ANKMY2: variants seen among roughly 807,000 people sequenced by gnomAD.
ANKMY2 encodes the protein ankyrin repeat and MYND domain-containing protein 2.
Under a neutral mutation model 50.4 loss-of-function variants are expected in ANKMY2, and 36 were observed. The ratio of observed to expected loss-of-function variants is 0.71; its 90% CI spans 0.55 to 0.94. The LOEUF (loss-of-function observed/expected upper bound fraction) is 0.94, where lower values mean the gene tolerates loss of function less well. Among genes scored for constraint, ANKMY2 ranks in the 40% least tolerant of loss-of-function variants. The pLI is 0.00. For missense variants in ANKMY2, 565 were observed against 524.0 expected (o/e 1.08, Z -0.76); for synonymous variants, 187 against 178.8 (o/e 1.05, Z -0.36).
intron 5 of ANKMY2, among the ~76,000 whole-genome samples, chr7:16,614,548 A>G (rs1366959723): frequency 2.0e-5 from 3 of 152,288 alleles, no homozygotes; most frequent in Middle Eastern, 3.4e-3. Context: ...CTCAACCTTC[A>G]AGTACTCAAG....
intron 1 of ANKMY2, among the ~76,000 whole-genome samples, chr7:16,641,107 G>A (rs944447161): frequency 6.6e-6 from 1 of 152,072 alleles, no homozygotes. Flanking sequence ...GGTGGTGCAC[G>A]CCTGTAATCC....
chr7:16,615,276 T>C (rs1781324688), intron 5 of ANKMY2, among the ~76,000 whole-genome samples: 1 of 152,102 alleles, frequency 6.6e-6, no homozygotes, highest in Non-Finnish European at 1.5e-5. Flanking sequence ...CAGGCCTGTA[T>C]ACCAGGCCCC....
At chr7:16,640,597 C>T (rs1241652372) in intron 1 of ANKMY2, among the ~76,000 whole-genome samples, 1 of 152,182 alleles carries the variant, frequency 6.6e-6, no homozygotes, top group Non-Finnish European at 1.5e-5. Context: ...TCATGGCTCA[C>T]TGCAGCCTTG....
At chr7:16,630,474 C>G (rs906131291) in intron 2 of ANKMY2, among the ~76,000 whole-genome samples, 1 of 152,142 alleles carries the variant, frequency 6.6e-6, no homozygotes, top group Non-Finnish European at 1.5e-5. Context: ...GATACAATCC[C>G]CTTAAAAATA....
chr7:16,622,044 G>A (rs1185241043), intron 4 of ANKMY2, among the ~76,000 whole-genome samples: 1 of 151,388 alleles, frequency 6.6e-6, no homozygotes, highest in Non-Finnish European at 1.5e-5. Flanking sequence ...AGAAGAAGAA[G>A]AAAGAAGGAA....
rs763938948 is a variant in ANKMY2 at position 16,627,107 on chromosome 7, A to G, written c.204T>C (p.His68=). Residue 68 remains histidine (H), a synonymous_variant, in exon 3 of 10, where the codon CAT becomes CAC. Coordinates refer to ENST00000306999, the MANE Select transcript of ANKMY2 (RefSeq NM_020319.3). The part of the protein sequence containing the change: ...KLDMCKLLLR[H]GADVNCHQHE... Reference sequence around the variant, plus strand: ...GCTGATGACAATTTACATCGGCTCCATGTCGCAGTAGTAATTTGCACATAT... The same window carrying G: ...GCTGATGACAATTTACATCGGCTCCGTGTCGCAGTAGTAATTTGCACATAT... 2 of 1,612,752 alleles carry G rather than the reference A, an allele frequency of 1.2e-6. No individual in the cohort carries two copies. Among genetic ancestry groups the G allele is most frequent in the Non-Finnish European group, 1.7e-6 (2 of 1,179,328 alleles).
chr7:16,607,004 C>T (rs928077815), intron 7 of ANKMY2, among the ~76,000 whole-genome samples: 13 of 152,108 alleles, frequency 8.5e-5, no homozygotes, highest in African/African-American at 3.1e-4. Flanking sequence ...AGCAGCCAGC[C>T]CTGAGAACCA....
chr7:16,606,422 T>A (rs1781162878), intron 7 of ANKMY2, among the ~76,000 whole-genome samples: 1 of 84,496 alleles, frequency 1.2e-5, no homozygotes, highest in South Asian at 6.9e-4. Context: ...GTGCAAGACC[T>A]TGTATTTAAA....
chr7:16,612,728 C>A (rs1176268946), intron 5 of ANKMY2, among the ~76,000 whole-genome samples: 4 of 152,062 alleles, frequency 2.6e-5, no homozygotes, highest in South Asian at 4.1e-4. Context: ...TGACAAATAA[C>A]CACATCATTA....
chr7:16,617,592 C>T (rs1781373933), intron 4 of ANKMY2, among the ~76,000 whole-genome samples: 1 of 152,156 alleles, frequency 6.6e-6, no homozygotes, highest in East Asian at 1.9e-4. Context: ...TCAAGAGCCG[C>T]AGAGAGATTC....
chr7:16,606,707 T>G (rs1199930041), intron 7 of ANKMY2, among the ~76,000 whole-genome samples: 2 of 152,226 alleles, frequency 1.3e-5, no homozygotes, highest in East Asian at 3.8e-4. Flanking sequence ...AAATATCACC[T>G]GGTAACAATG....
At chr7:16,605,576 C>T (rs1031218453) in intron 7 of ANKMY2, among the ~76,000 whole-genome samples, 19 of 151,736 alleles carry the variant, frequency 1.3e-4, no homozygotes, top group African/African-American at 3.9e-4. Context: ...TGGCTCACTG[C>T]AACCTCCGCC....
At chr7:16,644,906 AT>A in intron 1 of ANKMY2, 2 of 345,548 alleles carry the variant, frequency 5.8e-6, no homozygotes, top group Non-Finnish European at 1.2e-5. Flanking sequence ...GGCCTCGCCA[AT>A]TTCCTTGTCT....
chr7:16,633,651 G>T (rs558598966), intron 2 of ANKMY2, among the ~76,000 whole-genome samples: 1 of 152,044 alleles, frequency 6.6e-6, no homozygotes, highest in Non-Finnish European at 1.5e-5. Context: ...TCTGAAATAA[G>T]CTACAATTTC....
chr7:16,603,278 G>A (rs1457063089), intron 8 of ANKMY2, among the ~76,000 whole-genome samples: 1 of 152,130 alleles, frequency 6.6e-6, no homozygotes, highest in African/African-American at 2.4e-5. Context: ...AGAGAGGCAG[G>A]CACCTAAATA....
At chr7:16,604,923 C>G (rs546491556) in intron 7 of ANKMY2, 74 bp from the exon 8 acceptor site, 1 of 1,397,250 alleles carries the variant, frequency 7.2e-7, no homozygotes, top group African/African-American at 1.4e-5. Context: ...TATCAGCCCA[C>G]GGACACTGCC....
intron 5 of ANKMY2, among the ~76,000 whole-genome samples, chr7:16,615,181 G>A (rs1209854613): frequency 9.9e-5 from 15 of 152,194 alleles, no homozygotes; most frequent in Non-Finnish European, 2.2e-4. Flanking sequence ...TTAAAAATGT[G>A]CTCATGATTA....
At chr7:16,614,576 C>T (rs777458711) in intron 5 of ANKMY2, among the ~76,000 whole-genome samples, 3 of 152,168 alleles carry the variant, frequency 2.0e-5, no homozygotes, top group Non-Finnish European at 4.4e-5. Context: ...CACAGGGATG[C>T]ATCAACAAAG....
intron 7 of ANKMY2, among the ~76,000 whole-genome samples, chr7:16,606,055 G>A (rs1396087754): frequency 2.6e-5 from 4 of 152,000 alleles, no homozygotes; most frequent in Non-Finnish European, 5.9e-5. Flanking sequence ...CTGACCTCGT[G>A]GTTCGCCCGC....
Sources: gnomAD v4.1 joint callset for allele counts (sites outside exome capture counted in the v4.1 genomes callset) on GRCh38, gnomAD v4.1.1 for gene constraint, MANE v1.5 for transcripts, NCBI Gene and HGNC (gene_info 2026-07-23, HGNC 2026-07-21) for gene names.